PRKAR1B: variants seen among roughly 807,000 people sequenced by gnomAD.
The protein encoded by PRKAR1B is protein kinase cAMP-dependent type I regulatory subunit beta.
In PRKAR1B, 22 loss-of-function variants were observed where a neutral mutation model predicts 46.5. That is an observed-to-expected ratio of 0.47 (90% CI 0.34 to 0.68). The LOEUF (loss-of-function observed/expected upper bound fraction) is 0.68, where lower values mean the gene tolerates loss of function less well. Among genes scored for constraint, PRKAR1B ranks in the 30% least tolerant of loss-of-function variants. The pLI is 0.01. For synonymous variants in PRKAR1B, 259 were observed against 217.7 expected, an observed-to-expected ratio of 1.19 and a Z score of -1.67; for missense variants, 445 against 535.6, an observed-to-expected ratio of 0.83 and a Z score of 1.67.
intron 1 of PRKAR1B, among the ~76,000 whole-genome samples, chr7:722,268 A>G (rs796082782): frequency 2.0e-5 from 3 of 151,986 alleles, no homozygotes; most frequent in African/African-American, 4.8e-5. Context: ...CACCCAGCTA[A>G]TTTTTGTATT....
chr7:561,511 C>T (rs1470568047), intron 9 of PRKAR1B, among the ~76,000 whole-genome samples: 1 of 152,230 alleles, frequency 6.6e-6, no homozygotes. Flanking sequence ...CGCTCCTGAG[C>T]TGCGTGCAGG....
rs1444837451 is a variant in PRKAR1B, at chr7:563,930, G to C, written c.892-12460C>G. ...GTGTGCATGGGTGAGTATGTGCGTTGGTGTGCATGGGTGCACACTGGCTGA... is the reference window on the plus strand; with the variant it reads ...GTGTGCATGGGTGAGTATGTGCGTTCGTGTGCATGGGTGCACACTGGCTGA... On this transcript the variant is annotated intron_variant, in intron 9 of 10. Coordinates refer to ENST00000537384, the MANE Select transcript of PRKAR1B (RefSeq NM_001164760.2). 2.0e-5 allele frequency among the ~76,000 whole-genome samples: 3 copies of C among 152,104 alleles called. No individual in the cohort carries two copies. In the South Asian group the frequency reaches 6.2e-4, roughly 32 times the overall value.
rs575996708 is a variant in PRKAR1B at position 648,488 on chromosome 7, G to A, written c.440+28741C>T. Among the ~76,000 whole-genome samples the A allele has an allele frequency of 1.1e-3, 174 of 152,258 alleles. 1 individual carries two copies. The highest frequency in any genetic ancestry group is 2.0e-3 in the Non-Finnish European group (137 of 68,030). ...TAGCTGGGCATGGTGGTGCGTGCCC[G>A]TAATCCCAGCTAGTCAGGAGGCTGA... On this transcript the variant is annotated intron_variant, in intron 4 of 10. Transcript: ENST00000537384.
chr7:703,027 T>A (rs1039466947), intron 2 of PRKAR1B, among the ~76,000 whole-genome samples: 38 of 152,212 alleles, frequency 2.5e-4, no homozygotes, highest in South Asian at 6.2e-4. Context: ...ATGCTATCTA[T>A]AAGACACACA....
intron 9 of PRKAR1B, 21 bp downstream of exon 9, chr7:579,228 GAGCGCCC>G (rs1780041590): frequency 6.2e-7 from 1 of 1,613,760 alleles, no homozygotes; most frequent in Admixed American, 1.7e-5. Flanking sequence ...TGCACACCCA[GAGCGCCC>G]ACGTGGGAAG....
chr7:550,232 G>T lies in PRKAR1B; in HGVS notation c.*198C>A. On this transcript the variant is annotated 3_prime_UTR_variant, in exon 11 of 11. Transcript: ENST00000537384. ...CTTGATCTTGGGATGCATTTTGTCCGCTTGTCCTTTGATTTGGAAATGCAC... is the reference window on the plus strand; with the variant it reads ...CTTGATCTTGGGATGCATTTTGTCCTCTTGTCCTTTGATTTGGAAATGCAC... 1.7e-6 allele frequency: 1 copy of T among 584,634 alleles called. No individual in the cohort carries two copies. 36.2% of individuals were successfully genotyped at this position (584,634 alleles called of 1,614,324 possible).
At chr7:561,930 C>G (rs957375800) in intron 9 of PRKAR1B, 1 of 152,342 alleles carries the variant, frequency 6.6e-6, no homozygotes, top group African/African-American at 2.4e-5. Context: ...TTTCCTTCTG[C>G]AAACCCAGTT....
rs949684783 is a variant in PRKAR1B, at chr7:639,340, G to C, written c.441-31888C>G. On this transcript the variant is annotated intron_variant, in intron 4 of 10. Coordinates refer to ENST00000537384, the MANE Select transcript of PRKAR1B (RefSeq NM_001164760.2). ...CAAGGCAAGTCAATGGGGAAAGAAAGAGTGCTTTCAACAAATCGTGCTGGG... is the reference window on the plus strand; with the variant it reads ...CAAGGCAAGTCAATGGGGAAAGAAACAGTGCTTTCAACAAATCGTGCTGGG... Among the ~76,000 whole-genome samples, 7 of 152,198 alleles carry C rather than the reference G, an allele frequency of 4.6e-5. No individual in the cohort carries two copies. In the South Asian group the frequency reaches 1.2e-3, roughly 27 times the overall value.
chr7:687,317 C>A (rs1053068981), intron 2 of PRKAR1B, among the ~76,000 whole-genome samples: 10 of 152,032 alleles, frequency 6.6e-5, no homozygotes, highest in Non-Finnish European at 1.2e-4. Context: ...TAATTATGCT[C>A]AGTATGTTCA....
At chr7:674,207 C>T (rs1786452067) in intron 4 of PRKAR1B, among the ~76,000 whole-genome samples, 1 of 152,044 alleles carries the variant, frequency 6.6e-6, no homozygotes, top group Admixed American at 6.5e-5. Context: ...TGCCCAGCTA[C>T]TCCAGCCACA....
At position 691,586 on chromosome 7, in the gene PRKAR1B, C is replaced by T. The variant is rs566544418; in HGVS notation, c.178-10860G>A. 209 of 1,304,392 alleles carry T rather than the reference C, an allele frequency of 1.6e-4. No individual in the cohort carries two copies. In the Middle Eastern group the frequency reaches 2.1e-3, roughly 13 times the overall value. The allele number at this position is 1,304,392 out of a possible 1,614,324, so 80.8% of individuals were successfully genotyped here. A position where few individuals can be genotyped will look rare whatever the true frequency, so the allele number is the denominator to read the frequency against. On this transcript the variant is annotated intron_variant, in intron 2 of 10. Transcript: ENST00000537384. Reference sequence around the variant, plus strand: ...CCCTTCCGCCTACACGCAGTCCTTTCGGACAGCCCAAAGTGAGGTGGACGC... The same window carrying T: ...CCCTTCCGCCTACACGCAGTCCTTTTGGACAGCCCAAAGTGAGGTGGACGC...
At chr7:638,245 G>A (rs1028386278) in intron 4 of PRKAR1B, among the ~76,000 whole-genome samples, 10 of 152,208 alleles carry the variant, frequency 6.6e-5, no homozygotes, top group African/African-American at 2.4e-4. Context: ...CCCCATGCCC[G>A]GATAAACAGG....
chr7:578,291 A>G (rs1391635544), intron 9 of PRKAR1B, among the ~76,000 whole-genome samples: 1 of 152,170 alleles, frequency 6.6e-6, no homozygotes, highest in Non-Finnish European at 1.5e-5. Flanking sequence ...CCCACCCAAC[A>G]GTCTGCGTGC....
chr7:701,639 GA>G (rs1396378993), intron 2 of PRKAR1B, among the ~76,000 whole-genome samples: 2 of 152,160 alleles, frequency 1.3e-5, no homozygotes, highest in African/African-American at 2.4e-5. Flanking sequence ...CCAGAGAAAA[GA>G]AACATAAAGC....
chr7:612,958 A>G (rs972446100), intron 4 of PRKAR1B, among the ~76,000 whole-genome samples: 4 of 152,236 alleles, frequency 2.6e-5, no homozygotes, highest in African/African-American at 9.6e-5. Context: ...ATATTCACCG[A>G]AGCACTGTCA....
intron 4 of PRKAR1B, among the ~76,000 whole-genome samples, chr7:633,641 G>T (rs1783884992): frequency 6.6e-6 from 1 of 152,132 alleles, no homozygotes; most frequent in Non-Finnish European, 1.5e-5. Context: ...GTGCATGCCT[G>T]TGGTCCTGAT....
chr7:684,051 CCT>C (rs936784590), intron 2 of PRKAR1B, among the ~76,000 whole-genome samples: 48 of 151,638 alleles, frequency 3.2e-4, no homozygotes, highest in East Asian at 2.9e-3. Flanking sequence ...GTGCTGATGC[CCT>C]CTGTGTATGC....
intron 4 of PRKAR1B, among the ~76,000 whole-genome samples, chr7:660,812 C>A (rs1474275171): frequency 1.0e-5 from 1 of 95,664 alleles, no homozygotes; most frequent in African/African-American, 4.4e-5. Context: ...TACCTACTCT[C>A]CCCCCCATGG....
chr7:618,821 G>A (rs948086144), intron 4 of PRKAR1B, among the ~76,000 whole-genome samples: 2 of 152,168 alleles, frequency 1.3e-5, no homozygotes, highest in Non-Finnish European at 2.9e-5. Flanking sequence ...TGCTTGTCGG[G>A]TTTAGATATT....
Sources: allele counts gnomAD v4.1 joint callset (sites outside exome capture counted in the v4.1 genomes callset), GRCh38; gene constraint gnomAD v4.1.1; transcripts MANE v1.5; gene names NCBI Gene and HGNC (gene_info 2026-07-23, HGNC 2026-07-21).